The following HPGD variants were observed in gnomAD, a reference collection of about 807,000 sequenced individuals.
HPGD encodes the protein 15-hydroxyprostaglandin dehydrogenase.
HPGD carries 29 observed loss-of-function variants against 30.0 expected under a neutral mutation model. That is an observed-to-expected ratio of 0.97 (90% CI 0.72 to 1.32). HPGD has a LOEUF of 1.32. HPGD is among the 40% of genes most tolerant of loss of function. The pLI, the probability that HPGD is intolerant of heterozygous loss-of-function variation, is 0.00. For synonymous variants in HPGD, 99 were observed against 112.4 expected (o/e 0.88, Z 0.75); for missense variants, 340 against 322.1 (o/e 1.06, Z -0.43).
rs758529841 is a variant in HPGD, at chr4:174,508,794, T to A, written c.325-2A>T. On this transcript the variant is annotated splice_acceptor_variant, in intron 3 of 6. Transcript: ENST00000296522. LOFTEE classifies it high-confidence loss of function. ...ATAGGTTCCACTGATAACAGAAACC[T>A]AATCCAGAGGCATAAGTGAGAAAAG... 2.6e-6 allele frequency: 4 copies of A among 1,516,638 alleles called. No homozygotes were observed. The highest frequency in any genetic ancestry group is 3.7e-6 in the Non-Finnish European group (4 of 1,091,940). The allele number at this position is 1,516,638 out of a possible 1,614,324, so 93.9% of individuals were successfully genotyped here.
chr4:174,499,088 A>G (rs1734782689), intron 4 of HPGD, among the ~76,000 whole-genome samples: 1 of 152,180 alleles, frequency 6.6e-6, no homozygotes, highest in South Asian at 2.1e-4. Context: ...CCAACATAGA[A>G]TTTGTTTCCA....
At chr4:174,522,632 T>C, upstream of HPGD, 1 of 495,272 alleles carries the variant, frequency 2.0e-6, no homozygotes, top group Non-Finnish European at 3.5e-6. Flanking sequence ...ACCTGCCCCC[T>C]GAGCGTTCTG....
chr4:174,511,960 T>G (rs1735530186), intron 3 of HPGD, among the ~76,000 whole-genome samples: 1 of 152,306 alleles, frequency 6.6e-6, no homozygotes, highest in Middle Eastern at 3.4e-3. Flanking sequence ...GAACATTTCT[T>G]CTGTGTTCTG....
chr4:174,521,799 G>T, intron 2 of HPGD, 145 bp downstream of exon 2: 1 of 920,140 alleles, frequency 1.1e-6, no homozygotes, highest in Non-Finnish European at 1.8e-6. Flanking sequence ...AAACGTATCA[G>T]TCCAAACTGT....
At chr4:174,512,015 G>A (rs1004464557) in intron 3 of HPGD, among the ~76,000 whole-genome samples, 1 of 152,122 alleles carries the variant, frequency 6.6e-6, no homozygotes, top group Admixed American at 6.5e-5. Flanking sequence ...AGACTAAGGA[G>A]GAAGTATAAA....
At chr4:174,495,509 C>T (rs1179854566) in intron 5 of HPGD, 39 bp downstream of exon 5, 1 of 1,442,870 alleles carries the variant, frequency 6.9e-7, no homozygotes, top group Non-Finnish European at 9.8e-7. Flanking sequence ...TAAATGTGTA[C>T]AAAGAGAAAA....
At position 174,494,561 on chromosome 4, in the gene HPGD, A is replaced by G. The variant is rs1414203261; in HGVS notation, c.498+987T>C. On this transcript the variant is annotated intron_variant, in intron 5 of 6. Coordinates refer to ENST00000296522, the MANE Select transcript of HPGD (RefSeq NM_000860.6). This position sits in a 1 kb window ranked among gnomAD's most constrained non-coding sequence, Gnocchi z 4.9. ...ATTATGTCTTTGCAAATTAAGCAAT[A>G]ATTTCCAATCAATTTAAGAGTGTGA... Among the ~76,000 whole-genome samples, 1 of 152,190 alleles carries G rather than the reference A, an allele frequency of 6.6e-6. No individual in the cohort carries two copies. The highest frequency in any genetic ancestry group is 2.4e-5 in the African/African-American group (1 of 41,450).
chr4:174,517,030 G>A (rs1735814493), intron 3 of HPGD, among the ~76,000 whole-genome samples: 1 of 152,118 alleles, frequency 6.6e-6, no homozygotes, highest in South Asian at 2.1e-4. Flanking sequence ...TGGCCAAATT[G>A]TACTCTACAA....
In HPGD at chr4:174,496,569, G is replaced by A. The variant is rs7691993; in HGVS notation, c.422-945C>T. 0.79 allele frequency among the ~76,000 whole-genome samples: 119,642 copies of A among 152,194 alleles called. 47,229 individuals carry two copies. Among genetic ancestry groups the A allele is most frequent in the East Asian group, 0.82 (4,260 of 5,176 alleles). On this transcript the variant is annotated intron_variant, in intron 4 of 6. Coordinates refer to ENST00000296522, the MANE Select transcript of HPGD (RefSeq NM_000860.6). The surrounding 1 kb of genome is among the most constrained non-coding windows in gnomAD (Gnocchi z 4.6). ...CAGAGTCATTCTTGTATTTGTTTTT[G>A]ACTAATTTGGATTAACTTGTTTTAA...
intron 4 of HPGD, among the ~76,000 whole-genome samples, chr4:174,497,568 C>CTTTTCTTTTTTTTTTTTTTTTTTTTTT (rs1553998366): frequency 9.8e-5 from 5 of 51,114 alleles, no homozygotes; most frequent in African/African-American, 3.3e-4. Flanking sequence ...CTTTTTCTTT[C>CTTTTCTTTTTTTTTTTTTTTTTTTTTT]TTTTTTTTTT....
At position 174,494,579 on chromosome 4, in the gene HPGD, G is replaced by C. The variant is rs1734490998; in HGVS notation, c.498+969C>G. Reference sequence around the variant, plus strand: ...AAGCAATAATTTCCAATCAATTTAAGAGTGTGAGAACTACTTATCTTCCAT... The same window carrying C: ...AAGCAATAATTTCCAATCAATTTAACAGTGTGAGAACTACTTATCTTCCAT... On this transcript the variant is annotated intron_variant, in intron 5 of 6. Transcript: ENST00000296522. This position sits in a 1 kb window ranked among gnomAD's most constrained non-coding sequence, Gnocchi z 4.9. 6.6e-6 allele frequency among the ~76,000 whole-genome samples: 1 copy of C among 152,132 alleles called. No individual in the cohort carries two copies. Among genetic ancestry groups the C allele is most frequent in the Admixed American group, 6.6e-5 (1 of 15,262 alleles).
chr4:174,504,843 AAACAAACAAACG>A (rs1735106504), intron 4 of HPGD, among the ~76,000 whole-genome samples: 1 of 144,032 alleles, frequency 6.9e-6, no homozygotes, highest in South Asian at 2.2e-4. Context: ...ACAAACAAAC[AAACAAACAAACG>A]GAGTGCATTT....
intron 3 of HPGD, among the ~76,000 whole-genome samples, chr4:174,516,915 GACA>G (rs1735804127): frequency 1.3e-5 from 2 of 152,118 alleles, no homozygotes; most frequent in South Asian, 4.1e-4. Context: ...CTGAGAGAGA[GACA>G]AAGAAAAACA....
chr4:174,518,441 A>C (rs2110873907), intron 2 of HPGD, among the ~76,000 whole-genome samples: 1 of 152,322 alleles, frequency 6.6e-6, no homozygotes, highest in South Asian at 2.1e-4. Flanking sequence ...CGTTGAAGTC[A>C]GTTAGAGCAA....
rs1453753206 is a variant in HPGD, at chr4:174,515,283, C to A, written c.324+2688G>T. Among the ~76,000 whole-genome samples, 3 of 152,186 alleles carry A rather than the reference C, an allele frequency of 2.0e-5. No homozygotes were observed. In the East Asian group the frequency reaches 5.8e-4, roughly 29 times the overall value. ...TCAAACTATACAAGGCTACAGTAAC[C>A]CAAACAGCACGGTACTGGTACAAAA... On this transcript the variant is annotated intron_variant, in intron 3 of 6. Coordinates refer to ENST00000296522, the MANE Select transcript of HPGD (RefSeq NM_000860.6).
chr4:174,516,379 T>A lies in HPGD; in HGVS notation c.324+1592A>T, dbSNP rs116544261. On this transcript the variant is annotated intron_variant, in intron 3 of 6. Transcript: ENST00000296522. Reference sequence around the variant, plus strand: ...GAGAGCATTATCCTAAGCAAATTAATGCAGGAACAGAAAATCAAATACCTC... The same window carrying A: ...GAGAGCATTATCCTAAGCAAATTAAAGCAGGAACAGAAAATCAAATACCTC... Among the ~76,000 whole-genome samples, 395 of 152,250 alleles carry A rather than the reference T, an allele frequency of 2.6e-3. 2 individuals are homozygous for A. The highest frequency in any genetic ancestry group is 7.6e-3 in the African/African-American group (317 of 41,558).
At chr4:174,501,943 CAT>C (rs1273509698) in intron 4 of HPGD, among the ~76,000 whole-genome samples, 5 of 152,114 alleles carry the variant, frequency 3.3e-5, no homozygotes, top group Non-Finnish European at 5.9e-5. Flanking sequence ...ACAGGGCAGT[CAT>C]ACTAAATCCG....
intron 5 of HPGD, 178 bp from the exon 6 acceptor site, chr4:174,493,492 T>TCTG: frequency 1.7e-6 from 1 of 594,496 alleles, no homozygotes. Context: ...AAGTATTGTA[T>TCTG]TAATTCCTGA....
At chr4:174,516,330 G>A (rs1171844066) in intron 3 of HPGD, among the ~76,000 whole-genome samples, 3 of 152,136 alleles carry the variant, frequency 2.0e-5, no homozygotes, top group Admixed American at 6.5e-5. Flanking sequence ...AATCATGTTG[G>A]TTGCAGCAAC....
Sources: gnomAD v4.1 joint callset for allele counts (sites outside exome capture counted in the v4.1 genomes callset) on GRCh38, gnomAD v4.1.1 for gene constraint, Gnocchi (gnomAD v3.1) non-coding constraint, MANE v1.5 for transcripts, NCBI Gene and HGNC (gene_info 2026-07-23, HGNC 2026-07-21) for gene names.